Variants in NLGN4Y observed in about 807,000 individuals in gnomAD.
NLGN4Y encodes neuroligin-4, Y-linked.
In NLGN4Y, 4 loss-of-function variants were observed where a neutral mutation model predicts 8.4. The observed-to-expected ratio is 0.48, with a 90% CI of 0.23 to 1.09. The LOEUF (loss-of-function observed/expected upper bound fraction) is 1.09, where lower values mean the gene tolerates loss of function less well. Ranked by LOEUF, NLGN4Y falls within the 50% of genes least tolerant of loss-of-function variation. The pLI is 0.19. For synonymous variants in NLGN4Y, 35 were observed against 75.6 expected (o/e 0.46, Z 2.78); for missense variants, 90 against 192.3 (o/e 0.47, Z 3.15).
At chrY:14,575,436 C>G in intron 1 of NLGN4Y, among the ~76,000 whole-genome samples, 1 of 33,373 alleles carries the variant, frequency 3.0e-5, no homozygotes. Context: ...GTTTTCAGCT[C>G]CATCAGCTCC....
At chrY:14,716,350 A>G (rs2080915668) in intron 2 of NLGN4Y, among the ~76,000 whole-genome samples, 1 of 33,512 alleles carries the variant, frequency 3.0e-5, no homozygotes, top group African/African-American at 1.2e-4. Flanking sequence ...TATAGTCAAC[A>G]AGTTTTTTTA....
Position 14,841,272 on chromosome Y carries a change from A to G in NLGN4Y, c.*10A>G. 1 of 396,716 alleles carries G rather than the reference A, an allele frequency of 2.5e-6. No homozygotes were observed. Among genetic ancestry groups the G allele is most frequent in the Non-Finnish European group, 3.5e-6 (1 of 282,340 alleles). ...CACCACTAGAGTATAGCTTTTCCCT[A>G]TTTCCCCTCCTATCCCTCTGCCCCT... is the stretch of plus-strand genomic sequence containing the variant. On this transcript the variant is annotated 3_prime_UTR_variant, in exon 7 of 7. Transcript: ENST00000684976.
At chrY:14,639,745 T>C (rs2080582512) in intron 2 of NLGN4Y, 1 of 145,321 alleles carries the variant, frequency 6.9e-6, no homozygotes, top group Admixed American at 9.7e-5. Context: ...TTCAGAGATG[T>C]TGGCATCAAA....
chrY:14,614,175 T>G, intron 1 of NLGN4Y, among the ~76,000 whole-genome samples: 1 of 34,264 alleles, frequency 2.9e-5, no homozygotes, highest in Non-Finnish European at 7.3e-5. Context: ...TTTGTGTTTC[T>G]CTAATGACCA....
chrY:14,673,840 T>G, intron 2 of NLGN4Y, among the ~76,000 whole-genome samples: 1 of 33,353 alleles, frequency 3.0e-5, no homozygotes, highest in Non-Finnish European at 7.4e-5. Flanking sequence ...CATGGAATAC[T>G]ATGCAGCCAT....
intron 4 of NLGN4Y, among the ~76,000 whole-genome samples, chrY:14,742,186 A>G: frequency 2.1e-4 from 7 of 33,412 alleles, no homozygotes; most frequent in Admixed American, 1.4e-3. Flanking sequence ...ATGTTTATAT[A>G]TAAGTAAACA....
At chrY:14,791,567 T>G in intron 4 of NLGN4Y, among the ~76,000 whole-genome samples, 2 of 33,224 alleles carry the variant, frequency 6.0e-5, no homozygotes, top group Non-Finnish European at 1.5e-4. Flanking sequence ...AATATTGACT[T>G]GTGCTCCTAC....
chrY:14,754,732 C>T, intron 4 of NLGN4Y, among the ~76,000 whole-genome samples: 1 of 33,665 alleles, frequency 3.0e-5, no homozygotes, highest in Non-Finnish European at 7.3e-5. Context: ...CTACATTCCA[C>T]AAATCAGATA....
At chrY:14,606,065 A>G (rs758581107) in intron 1 of NLGN4Y, among the ~76,000 whole-genome samples, 1 of 33,173 alleles carries the variant, frequency 3.0e-5, no homozygotes, top group Non-Finnish European at 7.4e-5. Context: ...CAGGTACCCT[A>G]AAATGTTGTC....
At chrY:14,629,362 G>A in intron 2 of NLGN4Y, among the ~76,000 whole-genome samples, 1 of 34,025 alleles carries the variant, frequency 2.9e-5, no homozygotes, top group African/African-American at 1.1e-4. Flanking sequence ...GGCATTCTGC[G>A]TTAGTGAAAG....
At chrY:14,595,579 A>C (rs987437306) in intron 1 of NLGN4Y, among the ~76,000 whole-genome samples, 1 of 32,774 alleles carries the variant, frequency 3.1e-5, no homozygotes, top group African/African-American at 1.2e-4. Flanking sequence ...GCCAGGCCGC[A>C]GTGCAGAAAA....
intron 2 of NLGN4Y, among the ~76,000 whole-genome samples, chrY:14,632,328 A>G (rs2080552264): frequency 8.9e-5 from 3 of 33,799 alleles, no homozygotes; most frequent in African/African-American, 2.3e-4. Flanking sequence ...GACTGTTATC[A>G]TTCTGCTTTA....
At chrY:14,776,070 A>G (rs2081124680) in intron 4 of NLGN4Y, among the ~76,000 whole-genome samples, 1 of 32,182 alleles carries the variant, frequency 3.1e-5, no homozygotes, top group Non-Finnish European at 7.5e-5. Flanking sequence ...TCCTTATTTT[A>G]TGATGTTATG....
At position 14,684,792 on chromosome Y, in the gene NLGN4Y, C is replaced by T. The variant is rs1018590975; in HGVS notation, c.473-34667C>T. Among the ~76,000 whole-genome samples, 15 of 33,421 alleles carry T rather than the reference C, an allele frequency of 4.5e-4. No homozygotes were observed. The East Asian group carries it at 0.012, about 27-fold the overall frequency. 89.7% of individuals were successfully genotyped at this position (33,421 alleles called of 37,273 possible). On this transcript the variant is annotated intron_variant, in intron 2 of 6. Coordinates refer to ENST00000684976, the MANE Select transcript of NLGN4Y (RefSeq NM_001365588.1). The stretch of plus-strand genomic sequence containing the variant: ...ACATCTTTAATCTTCAGTGACTTAC[C>T]TTCAGTGACTAAGTTCTCTTTGGAA...
chrY:14,796,139 C>G, intron 4 of NLGN4Y, among the ~76,000 whole-genome samples: 1 of 33,285 alleles, frequency 3.0e-5, no homozygotes, highest in Admixed American at 2.8e-4. Context: ...CCTACAACAT[C>G]GTTAGATTAT....
chrY:14,760,027 T>C (rs2081075656), intron 4 of NLGN4Y, among the ~76,000 whole-genome samples: 2 of 33,345 alleles, frequency 6.0e-5, no homozygotes, highest in African/African-American at 2.3e-4. Flanking sequence ...ACACGATGTA[T>C]ATAATTCACC....
intron 1 of NLGN4Y, among the ~76,000 whole-genome samples, chrY:14,581,951 T>C: frequency 2.9e-5 from 1 of 34,405 alleles, no homozygotes; most frequent in South Asian, 6.5e-4. Flanking sequence ...CTTTGTGTTA[T>C]TAAATGAGAA....
intron 1 of NLGN4Y, among the ~76,000 whole-genome samples, chrY:14,579,364 C>G: frequency 3.0e-5 from 1 of 33,158 alleles, no homozygotes. Context: ...GGGTAGAAGG[C>G]TTAGTTCAGG....
At chrY:14,683,638 A>G (rs2080777294) in intron 2 of NLGN4Y, among the ~76,000 whole-genome samples, 1 of 33,298 alleles carries the variant, frequency 3.0e-5, no homozygotes, top group African/African-American at 1.2e-4. Context: ...CATTTATTCC[A>G]TTGTTGATAA....
Sources: gnomAD v4.1 joint callset for allele counts (sites outside exome capture counted in the v4.1 genomes callset) on GRCh38, gnomAD v4.1.1 for gene constraint, MANE v1.5 for transcripts, NCBI Gene and HGNC (gene_info 2026-07-23, HGNC 2026-07-21) for gene names.